GPC5: variants seen among roughly 807,000 people sequenced by gnomAD.
The protein encoded by GPC5 is glypican 5.
GPC5 carries 47 observed loss-of-function variants against 53.9 expected under a neutral mutation model. The observed-to-expected ratio is 0.87, with a 90% confidence interval of 0.69 to 1.11. GPC5 has a LOEUF of 1.11. Ranked by LOEUF, GPC5 falls within the 50% of genes most tolerant of loss-of-function variation. The probability of loss-of-function intolerance (pLI) is 0.00; values close to 1 mark genes in which losing one functional copy is unlikely to be tolerated. For synonymous variants in GPC5, 286 were observed against 263.3 expected (o/e 1.09, Z -0.84); for missense variants, 748 against 713.1 (o/e 1.05, Z -0.56).
At chr13:92,828,058 A>G (rs1427944903) in intron 7 of GPC5, among the ~76,000 whole-genome samples, 1 of 152,134 alleles carries the variant, frequency 6.6e-6, no homozygotes, top group East Asian at 1.9e-4. Context: ...GAAACAGGCA[A>G]AGCTCACATC....
At position 92,089,480 on chromosome 13, in the gene GPC5, A is replaced by C. The variant is rs574424792; in HGVS notation, c.1402-55350A>C. Among the ~76,000 whole-genome samples, 23 of 146,742 alleles carry C rather than the reference A, an allele frequency of 1.6e-4. 1 individual carries two copies. In the South Asian group the frequency reaches 5.1e-3, roughly 32 times the overall value. ...AACCCAGAATTGGTTAATTTCAAAT[A>C]ACATTTCTAGTATTTCCCACACGGT... On this transcript the variant is annotated intron_variant, in intron 6 of 7. Coordinates refer to ENST00000377067, the MANE Select transcript of GPC5 (RefSeq NM_004466.6).
At chr13:91,862,234 T>A (rs1423278074) in intron 5 of GPC5, among the ~76,000 whole-genome samples, 3 of 152,194 alleles carry the variant, frequency 2.0e-5, no homozygotes, top group Non-Finnish European at 4.4e-5. Context: ...AATTAACCCA[T>A]TTAATTTTTC....
chr13:92,547,819 C>CTTTATTTTTTT (rs1882172376), intron 7 of GPC5, among the ~76,000 whole-genome samples: 1 of 100,448 alleles, frequency 1.0e-5, no homozygotes, highest in African/African-American at 4.0e-5. Context: ...GCCTATTATT[C>CTTTATTTTTTT]TTTTTTTTTT....
intron 2 of GPC5, among the ~76,000 whole-genome samples, chr13:91,638,122 C>T (rs567213950): frequency 3.8e-4 from 58 of 152,258 alleles, no homozygotes; most frequent in Non-Finnish European, 6.6e-4. Flanking sequence ...GAGTAAAAAG[C>T]GAAGCTGAGA....
intron 7 of GPC5, among the ~76,000 whole-genome samples, chr13:92,288,111 C>G (rs1160004878): frequency 6.6e-6 from 1 of 151,868 alleles, no homozygotes; most frequent in Non-Finnish European, 1.5e-5. Flanking sequence ...CTATTTAAAT[C>G]CCTATCTGTT....
chr13:92,377,950 A>G (rs1049624351), intron 7 of GPC5, among the ~76,000 whole-genome samples: 4 of 152,172 alleles, frequency 2.6e-5, no homozygotes, highest in African/African-American at 9.7e-5. Flanking sequence ...TGTAAATTTT[A>G]TTTCTAAGAA....
At chr13:91,974,769 C>A (rs967513785) in intron 6 of GPC5, among the ~76,000 whole-genome samples, 24 of 152,122 alleles carry the variant, frequency 1.6e-4, no homozygotes, top group African/African-American at 5.6e-4. Context: ...GAAAAAACTA[C>A]TTTAAAGTTC....
At chr13:91,782,615 T>C (rs1356143484) in intron 5 of GPC5, among the ~76,000 whole-genome samples, 2 of 152,176 alleles carry the variant, frequency 1.3e-5, no homozygotes, top group African/African-American at 4.8e-5. Context: ...CAATTCGAGA[T>C]GAGATTTGGA....
intron 7 of GPC5, among the ~76,000 whole-genome samples, chr13:92,733,982 C>T (rs1038691805): frequency 6.6e-6 from 1 of 151,722 alleles, no homozygotes; most frequent in Non-Finnish European, 1.5e-5. Context: ...GTCTGAGATG[C>T]TCTTTAAGTT....
chr13:92,011,126 GA>G (rs1307381175), intron 6 of GPC5, among the ~76,000 whole-genome samples: 1 of 151,498 alleles, frequency 6.6e-6, no homozygotes, highest in African/African-American at 2.4e-5. Flanking sequence ...TATAGATAAG[GA>G]ATACATTTTA....
intron 6 of GPC5, among the ~76,000 whole-genome samples, chr13:92,012,577 G>A (rs1465980202): frequency 2.0e-5 from 3 of 152,060 alleles, no homozygotes; most frequent in Admixed American, 6.6e-5. Context: ...TTATAAATTT[G>A]AATCTTTAGT....
At chr13:91,956,290 T>C (rs956231541) in intron 6 of GPC5, among the ~76,000 whole-genome samples, 2 of 152,190 alleles carry the variant, frequency 1.3e-5, no homozygotes, top group Admixed American at 1.3e-4. Flanking sequence ...AACCTGCCAT[T>C]GTCATCACAG....
intron 7 of GPC5, among the ~76,000 whole-genome samples, chr13:92,179,960 T>A (rs1593967352): frequency 6.6e-6 from 1 of 152,226 alleles, no homozygotes; most frequent in East Asian, 1.9e-4. Context: ...CTACGGTTTT[T>A]ACTGTGGACA....
chr13:92,651,255 G>T (rs951059767), intron 7 of GPC5, among the ~76,000 whole-genome samples: 9 of 149,398 alleles, frequency 6.0e-5, no homozygotes, highest in Non-Finnish European at 1.2e-4. Context: ...AAAAAAAATA[G>T]AGTTACTTTG....
intron 6 of GPC5, among the ~76,000 whole-genome samples, chr13:92,052,927 C>T (rs1275510720): frequency 6.6e-6 from 1 of 152,162 alleles, no homozygotes; most frequent in Non-Finnish European, 1.5e-5. Flanking sequence ...AAAGATACCA[C>T]CTTCTCTCCT....
chr13:92,262,008 A>G (rs1169482558), intron 7 of GPC5, among the ~76,000 whole-genome samples: 1 of 152,142 alleles, frequency 6.6e-6, no homozygotes, highest in Admixed American at 6.6e-5. Flanking sequence ...TATGTCCAGT[A>G]TTTGTAGTCA....
At chr13:92,107,403 T>A (rs898542561) in intron 6 of GPC5, among the ~76,000 whole-genome samples, 1 of 152,074 alleles carries the variant, frequency 6.6e-6, no homozygotes, top group African/African-American at 2.4e-5. Flanking sequence ...GCCTAGGTTA[T>A]AATATTAAGG....
At chr13:91,700,750 C>G (rs2035974966) in intron 3 of GPC5, among the ~76,000 whole-genome samples, 1 of 152,142 alleles carries the variant, frequency 6.6e-6, no homozygotes, top group African/African-American at 2.4e-5. Flanking sequence ...GAAAAAGAAC[C>G]CTTACATTCT....
chr13:92,312,443 T>G (rs1288058569), intron 7 of GPC5, among the ~76,000 whole-genome samples: 1 of 152,186 alleles, frequency 6.6e-6, no homozygotes, highest in Admixed American at 6.5e-5. Context: ...AGTGGTTATG[T>G]CAAAAAATAA....
Sources: gnomAD v4.1 joint callset for allele counts (sites outside exome capture counted in the v4.1 genomes callset) on GRCh38, gnomAD v4.1.1 for gene constraint, MANE v1.5 for transcripts, NCBI Gene and HGNC (gene_info 2026-07-23, HGNC 2026-07-21) for gene names.